DISP1: variants seen among roughly 807,000 people sequenced by gnomAD.
The protein encoded by DISP1 is dispatched RND transporter family member 1, also known as protein dispatched homolog 1.
Under a neutral mutation model 37.3 loss-of-function variants are expected in DISP1, and 30 were observed. The observed-to-expected ratio is 0.80, with a 90% CI of 0.60 to 1.09. The LOEUF is 1.09. Among genes scored for constraint, DISP1 ranks in the 50% least tolerant of loss-of-function variants. DISP1 has a pLI of 0.00. For synonymous variants in DISP1, 634 were observed against 690.2 expected, an observed-to-expected ratio of 0.92 and a Z score of 1.28; for missense variants, 1,598 against 1,879.5, an observed-to-expected ratio of 0.85 and a Z score of 2.77.
At chr1:222,956,321 C>G (rs759151975) in intron 3 of DISP1, among the ~76,000 whole-genome samples, 1 of 152,148 alleles carries the variant, frequency 6.6e-6, no homozygotes, top group Non-Finnish European at 1.5e-5. Context: ...CAGGAAGGAA[C>G]AAGGTGACAG....
chr1:222,973,745 C>G (rs1474436267), intron 3 of DISP1, among the ~76,000 whole-genome samples: 1 of 152,170 alleles, frequency 6.6e-6, no homozygotes, highest in African/African-American at 2.4e-5. Context: ...GAAGCTCTTC[C>G]CATTTCTGCG....
chr1:222,840,422 A>G lies in DISP1; in HGVS notation c.-159+25344A>G, dbSNP rs181720063. Among the ~76,000 whole-genome samples, 29 of 151,618 alleles carry G rather than the reference A, an allele frequency of 1.9e-4. No homozygotes were observed. In the East Asian group the frequency reaches 4.3e-3, roughly 22 times the overall value. On this transcript the variant is annotated intron_variant, in intron 1 of 8. Transcript: ENST00000675850. ...ATGCCTGGCTAATTTTTGTATTTTT[A>G]GTAGAGATGGAGTTTCAGCATGTTG...
chr1:222,866,472 G>A (rs886117466), intron 1 of DISP1, among the ~76,000 whole-genome samples: 2 of 152,054 alleles, frequency 1.3e-5, no homozygotes. Flanking sequence ...AGCCTCCTGA[G>A]TAGCTGGGAT....
At chr1:222,957,181 T>C (rs1675668632) in intron 3 of DISP1, among the ~76,000 whole-genome samples, 1 of 150,398 alleles carries the variant, frequency 6.6e-6, no homozygotes, top group African/African-American at 2.4e-5. Context: ...ATTCTTAGAT[T>C]CCGCTTTTGG....
intron 1 of DISP1, among the ~76,000 whole-genome samples, chr1:222,919,038 A>G (rs1346148637): frequency 2.6e-5 from 4 of 152,236 alleles, no homozygotes; most frequent in African/African-American, 4.8e-5. Context: ...GGAGGGAGCC[A>G]TGGATCCCAA....
At chr1:222,834,638 A>C (rs546721091) in intron 1 of DISP1, among the ~76,000 whole-genome samples, 1 of 152,222 alleles carries the variant, frequency 6.6e-6, no homozygotes, top group Non-Finnish European at 1.5e-5. Context: ...TTATATTTTT[A>C]TGTATGTAAA....
chr1:222,986,769 T>G (rs2789955), intron 4 of DISP1, among the ~76,000 whole-genome samples: 149,042 of 152,282 alleles, frequency 0.98, 73,013 homozygotes, highest in East Asian at 1. Flanking sequence ...AGAGTTGTGG[T>G]CCCTAACCTC....
At chr1:222,836,888 A>AT (rs1667208232) in intron 1 of DISP1, 2 of 390,266 alleles carry the variant, frequency 5.1e-6, no homozygotes, top group Non-Finnish European at 9.0e-6. Flanking sequence ...CCTTAGGTAA[A>AT]TAACTCTGAT....
intron 3 of DISP1, among the ~76,000 whole-genome samples, chr1:222,946,127 A>G (rs897206366): frequency 6.6e-6 from 1 of 151,146 alleles, no homozygotes; most frequent in Non-Finnish European, 1.5e-5. Flanking sequence ...TAATCCCAGC[A>G]CTTTGGGAGG....
intron 1 of DISP1, among the ~76,000 whole-genome samples, chr1:222,917,832 G>A (rs568445859): frequency 7.8e-4 from 119 of 152,038 alleles, no homozygotes; most frequent in African/African-American, 2.6e-3. Flanking sequence ...CAAGATATGG[G>A]AACTGAGCTT....
chr1:222,819,071 T>C (rs889431985), intron 1 of DISP1, among the ~76,000 whole-genome samples: 9 of 152,188 alleles, frequency 5.9e-5, no homozygotes, highest in Non-Finnish European at 1.2e-4. Flanking sequence ...TCTAATGGTT[T>C]AGCACCATCC....
chr1:222,878,052 T>G (rs1398725992), intron 1 of DISP1, among the ~76,000 whole-genome samples: 2 of 152,160 alleles, frequency 1.3e-5, no homozygotes, highest in Admixed American at 6.5e-5. Flanking sequence ...TAATTTGGGG[T>G]ATATGGAAAG....
At chr1:222,827,582 T>C (rs573214974) in intron 1 of DISP1, 7 of 152,326 alleles carry the variant, frequency 4.6e-5, no homozygotes, top group African/African-American at 1.7e-4. Flanking sequence ...GCTCATTCTT[T>C]GACAAATTTT....
At chr1:222,848,307 T>C (rs1668034003) in intron 1 of DISP1, among the ~76,000 whole-genome samples, 1 of 152,168 alleles carries the variant, frequency 6.6e-6, no homozygotes, top group East Asian at 1.9e-4. Flanking sequence ...AAATGGTCAG[T>C]GTGGTGCCAG....
chr1:222,948,096 AC>A (rs1179279879), intron 3 of DISP1, among the ~76,000 whole-genome samples: 1 of 152,204 alleles, frequency 6.6e-6, no homozygotes, highest in Non-Finnish European at 1.5e-5. Flanking sequence ...AATGGGGAAG[AC>A]AGAAGAAGGG....
At position 223,004,576 on chromosome 1, in the gene DISP1, A is replaced by G; in HGVS notation, c.3179A>G (p.Tyr1060Cys). 4 of 1,614,002 alleles carry G rather than the reference A, an allele frequency of 2.5e-6. No individual in the cohort carries two copies. Among genetic ancestry groups the G allele is most frequent in the Non-Finnish European group, 3.4e-6 (4 of 1,180,022 alleles). The change falls in exon 9 of 9, where the codon TAC becomes TGC. Residue 1060 changes from tyrosine to cysteine, a missense_variant. By Grantham distance (194) the Tyr-to-Cys change is radical. Coordinates refer to ENST00000675850, the MANE Select transcript of DISP1 (RefSeq NM_001377229.1). The surrounding 1 kb of genome is among the most constrained non-coding windows in gnomAD (Gnocchi z 4.9). ...VDFAVHYGVA[Y>C]RLAPDPDREG... ...TTTGCCGTCCATTATGGGGTTGCCT[A>G]CCGCTTGGCTCCAGATCCCGACCGA...
chr1:222,899,120 A>G (rs192009464), intron 1 of DISP1, among the ~76,000 whole-genome samples: 23 of 152,246 alleles, frequency 1.5e-4, no homozygotes, highest in Admixed American at 1.4e-3. Flanking sequence ...ATAGTCCTTT[A>G]CCTTTTTGAT....
intron 3 of DISP1, among the ~76,000 whole-genome samples, chr1:222,952,665 C>A (rs1469263157): frequency 6.6e-6 from 1 of 152,138 alleles, no homozygotes; most frequent in Non-Finnish European, 1.5e-5. Flanking sequence ...TCCTGGCCAA[C>A]ATGGTGAAAC....
chr1:222,874,264 C>T (rs1572396773), intron 1 of DISP1, among the ~76,000 whole-genome samples: 1 of 151,112 alleles, frequency 6.6e-6, no homozygotes, highest in Non-Finnish European at 1.5e-5. Context: ...TGGAGTTGCT[C>T]TTCTCGAGGA....
Sources: gnomAD v4.1 joint callset for allele counts (sites outside exome capture counted in the v4.1 genomes callset) on GRCh38, gnomAD v4.1.1 for gene constraint, Gnocchi (gnomAD v3.1) non-coding constraint, MANE v1.5 for transcripts, NCBI Gene and HGNC (gene_info 2026-07-23, HGNC 2026-07-21) for gene names.